Variants in CAMTA1 observed in about 807,000 individuals in gnomAD.
The protein encoded by CAMTA1 is calmodulin binding transcription activator 1.
Under a neutral mutation model 170.9 loss-of-function variants are expected in CAMTA1, and 27 were observed. That is an observed-to-expected ratio of 0.16 (90% CI 0.12 to 0.22). The LOEUF (loss-of-function observed/expected upper bound fraction) is 0.22. Among genes scored for constraint, CAMTA1 ranks in the 10% least tolerant of loss-of-function variants. The pLI is 1.00. For synonymous variants in CAMTA1, 833 were observed against 891.5 expected (o/e 0.93, Z 1.17); for missense variants, 1,619 against 2,217.2 (o/e 0.73, Z 5.42).
intron 6 of CAMTA1, among the ~76,000 whole-genome samples, chr1:7,507,161 CAA>C (rs1270360287): frequency 2.6e-5 from 4 of 151,330 alleles, no homozygotes; most frequent in Non-Finnish European, 5.9e-5. Flanking sequence ...CACACTCACA[CAA>C]CACACACGCT....
intron 3 of CAMTA1, among the ~76,000 whole-genome samples, chr1:6,992,654 G>A (rs993410087): frequency 1.3e-5 from 2 of 152,200 alleles, no homozygotes; most frequent in Non-Finnish European, 2.9e-5. Flanking sequence ...ATGGCAGGAG[G>A]GAAAGCAGGC....
At chr1:7,276,376 G>T (rs7543047) in intron 5 of CAMTA1, among the ~76,000 whole-genome samples, 14 of 141,842 alleles carry the variant, frequency 9.9e-5, no homozygotes, top group Non-Finnish European at 1.5e-4. Flanking sequence ...ATGGTGTGAC[G>T]TCGCCTCACT....
chr1:7,160,064 G>A (rs1573547258), intron 4 of CAMTA1, among the ~76,000 whole-genome samples: 1 of 152,028 alleles, frequency 6.6e-6, no homozygotes, highest in Non-Finnish European at 1.5e-5. Context: ...AGCCTGGCCA[G>A]CATGGCAAAA....
intron 5 of CAMTA1, among the ~76,000 whole-genome samples, chr1:7,306,080 AT>A (rs1199763554): frequency 6.6e-6 from 1 of 152,018 alleles, no homozygotes; most frequent in African/African-American, 2.4e-5. Flanking sequence ...TTGTCTGTTC[AT>A]TATCTGAAAA....
chr1:6,929,337 G>A lies in CAMTA1; in HGVS notation c.234+104127G>A, dbSNP rs570445459. Among the ~76,000 whole-genome samples, 14 of 149,338 alleles carry A rather than the reference G, an allele frequency of 9.4e-5. No homozygotes were observed. The East Asian group carries it at 2.7e-3, about 29-fold the overall frequency. ...TGGGACTATAGGCGCATACCACCAT[G>A]CCCAGCTAATTTTTTTTTTTTTGTT... On this transcript the variant is annotated intron_variant, in intron 3 of 22. Coordinates refer to ENST00000303635, the MANE Select transcript of CAMTA1 (RefSeq NM_015215.4).
chr1:7,551,286 T>A (rs1177986483), intron 6 of CAMTA1, among the ~76,000 whole-genome samples: 1 of 132,400 alleles, frequency 7.6e-6, no homozygotes, highest in East Asian at 3.5e-4. Flanking sequence ...CCAAAGGACA[T>A]GTGTGCGCAG....
At chr1:7,662,241 G>A (rs892384610) in intron 8 of CAMTA1, among the ~76,000 whole-genome samples, 1 of 152,226 alleles carries the variant, frequency 6.6e-6, no homozygotes, top group African/African-American at 2.4e-5. Flanking sequence ...TGAGGGAGAC[G>A]TGCCCTGCGT....
chr1:7,433,236 C>A (rs2092239540), intron 5 of CAMTA1, among the ~76,000 whole-genome samples: 1 of 152,240 alleles, frequency 6.6e-6, no homozygotes, highest in Non-Finnish European at 1.5e-5. Flanking sequence ...GGAGGCAGGG[C>A]AGAAGGAAGG....
chr1:7,107,783 G>A (rs561595368), intron 4 of CAMTA1, among the ~76,000 whole-genome samples: 1 of 152,256 alleles, frequency 6.6e-6, no homozygotes, highest in Admixed American at 6.5e-5. Context: ...TGGGCACTGC[G>A]AGGCTAGAGG....
chr1:7,203,957 G>A (rs370490627), intron 4 of CAMTA1, among the ~76,000 whole-genome samples: 1 of 150,252 alleles, frequency 6.7e-6, no homozygotes, highest in Non-Finnish European at 1.5e-5. Flanking sequence ...TCAACCTCCC[G>A]AGTAGCTGGG....
At chr1:7,091,040 C>G (rs982333483) in intron 3 of CAMTA1, among the ~76,000 whole-genome samples, 1 of 152,142 alleles carries the variant, frequency 6.6e-6, no homozygotes, top group Non-Finnish European at 1.5e-5. Context: ...TGATGTCTTC[C>G]TGCCACAGAG....
chr1:6,953,636 T>G (rs1326526332), intron 3 of CAMTA1, among the ~76,000 whole-genome samples: 1 of 152,230 alleles, frequency 6.6e-6, no homozygotes, highest in East Asian at 1.9e-4. Flanking sequence ...GTCACCTCCT[T>G]ATGCCCAGAG....
intron 4 of CAMTA1, among the ~76,000 whole-genome samples, chr1:7,117,062 A>G (rs1443507710): frequency 1.3e-5 from 2 of 150,212 alleles, no homozygotes; most frequent in African/African-American, 4.9e-5. Flanking sequence ...TCCACCTCCC[A>G]GGTTCAAGTG....
intron 3 of CAMTA1, among the ~76,000 whole-genome samples, chr1:7,012,266 C>T (rs1446253065): frequency 1.3e-5 from 2 of 152,170 alleles, no homozygotes; most frequent in East Asian, 3.9e-4. Context: ...CAACACTCCT[C>T]CCGCCCTCTC....
At chr1:7,060,351 A>C (rs905514159) in intron 3 of CAMTA1, among the ~76,000 whole-genome samples, 2 of 152,106 alleles carry the variant, frequency 1.3e-5, no homozygotes, top group African/African-American at 4.8e-5. Flanking sequence ...CGGCTCCCTG[A>C]TGTCTCTCTG....
intron 3 of CAMTA1, among the ~76,000 whole-genome samples, chr1:6,958,423 C>T (rs1427684616): frequency 6.6e-5 from 10 of 152,132 alleles, no homozygotes; most frequent in African/African-American, 9.7e-5. Flanking sequence ...CCCAGCCTGG[C>T]GGAGAGGCAG....
At chr1:7,679,220 T>C (rs1387552486) in intron 11 of CAMTA1, among the ~76,000 whole-genome samples, 2 of 152,200 alleles carry the variant, frequency 1.3e-5, no homozygotes, top group Non-Finnish European at 2.9e-5. Context: ...AAATGGGGAA[T>C]GGAGTCAGGA....
At chr1:7,155,829 A>C (rs1345924690) in intron 4 of CAMTA1, among the ~76,000 whole-genome samples, 2 of 151,820 alleles carry the variant, frequency 1.3e-5, no homozygotes, top group African/African-American at 4.8e-5. Context: ...CAAATGACAC[A>C]TCTCCCTGCG....
intron 5 of CAMTA1, among the ~76,000 whole-genome samples, chr1:7,432,481 C>T (rs2092206392): frequency 6.6e-6 from 1 of 152,182 alleles, no homozygotes; most frequent in African/African-American, 2.4e-5. Context: ...GGCACAGAGA[C>T]CATTCTATGC....
Sources: allele counts gnomAD v4.1 joint callset (sites outside exome capture counted in the v4.1 genomes callset), GRCh38; gene constraint gnomAD v4.1.1; transcripts MANE v1.5; gene names NCBI Gene and HGNC (gene_info 2026-07-23, HGNC 2026-07-21).